Variants in ANTXR1 observed in about 807,000 individuals in gnomAD.
The protein encoded by ANTXR1 is ANTXR cell adhesion molecule 1.
In ANTXR1, 19 loss-of-function variants were observed where a neutral mutation model predicts 78.1. The ratio of observed to expected loss-of-function variants is 0.24; its 90% CI spans 0.17 to 0.36. The LOEUF is 0.36. ANTXR1 is among the 10% of genes least tolerant of loss of function. The pLI is 1.00. For synonymous variants in ANTXR1, 273 were observed against 260.5 expected, an observed-to-expected ratio of 1.05 and a Z score of -0.46; for missense variants, 518 against 718.6, an observed-to-expected ratio of 0.72 and a Z score of 3.19.
intron 3 of ANTXR1, among the ~76,000 whole-genome samples, chr2:69,065,038 T>C (rs1372532608): frequency 1.3e-5 from 2 of 151,690 alleles, no homozygotes; most frequent in African/African-American, 4.8e-5. Flanking sequence ...AAATTGAAAA[T>C]AGACATATAA....
intron 1 of ANTXR1, among the ~76,000 whole-genome samples, chr2:69,014,815 G>A (rs918357012): frequency 2.6e-5 from 4 of 152,140 alleles, no homozygotes; most frequent in Admixed American, 6.5e-5. Flanking sequence ...AGTTGCCCCT[G>A]GAGTTTGATT....
At chr2:69,032,218 A>G (rs1282347248) in intron 1 of ANTXR1, among the ~76,000 whole-genome samples, 16 of 152,238 alleles carry the variant, frequency 1.1e-4, no homozygotes, top group Admixed American at 9.2e-4. Flanking sequence ...CATTAAGTGA[A>G]AAAAGCAGAG....
rs1184663076 is a variant in ANTXR1 at position 69,070,853 on chromosome 2, A to G, written c.378+125A>G. 3 of 838,300 alleles carry G rather than the reference A, an allele frequency of 3.6e-6. No individual in the cohort carries two copies. In the East Asian group the frequency reaches 8.0e-5, roughly 22 times the overall value. The allele number at this position is 838,300 out of a possible 1,614,324, so 51.9% of individuals were successfully genotyped here. ...CTAGCACCCAATAGCAAGAGAGTAC[A>G]TTTTCTTCCCATAAGCTTGTACACT... On this transcript the variant is annotated intron_variant, in intron 4 of 17. Transcript: ENST00000303714.
At chr2:69,071,611 A>T in intron 4 of ANTXR1, 143 bp from the exon 5 acceptor site, 1 of 800,540 alleles carries the variant, frequency 1.2e-6, no homozygotes, top group Non-Finnish European at 2.2e-6. Flanking sequence ...AGCCACTGAT[A>T]ATTGAGCAAA....
At chr2:69,099,582 T>C (rs1671544848) in intron 9 of ANTXR1, among the ~76,000 whole-genome samples, 1 of 152,228 alleles carries the variant, frequency 6.6e-6, no homozygotes, top group East Asian at 1.9e-4. Flanking sequence ...TGGGTTATAA[T>C]TTCTTCACCA....
chr2:69,055,580 C>T (rs1670044018), intron 3 of ANTXR1, among the ~76,000 whole-genome samples: 1 of 152,068 alleles, frequency 6.6e-6, no homozygotes, highest in Non-Finnish European at 1.5e-5. Flanking sequence ...AAATTGTACC[C>T]CCTGAGGCCT....
chr2:69,144,560 C>T (rs558665538), intron 12 of ANTXR1, among the ~76,000 whole-genome samples: 3 of 152,306 alleles, frequency 2.0e-5, no homozygotes, highest in East Asian at 1.9e-4. Flanking sequence ...CCAGGTGCCC[C>T]GTGGAGGGGA....
chr2:69,229,111 C>T (rs1675530036), intron 17 of ANTXR1, among the ~76,000 whole-genome samples: 3 of 152,094 alleles, frequency 2.0e-5, no homozygotes, highest in Non-Finnish European at 4.4e-5. Flanking sequence ...CTCATCCAAC[C>T]CTAAGTTCCT....
At chr2:69,155,791 G>T (rs1270764982) in intron 13 of ANTXR1, among the ~76,000 whole-genome samples, 1 of 152,168 alleles carries the variant, frequency 6.6e-6, no homozygotes, top group Non-Finnish European at 1.5e-5. Flanking sequence ...AGCCCAGGTA[G>T]GGGGTGGCTT....
chr2:69,222,393 TTTAAGTGGACAGTA>T (rs1675341220), intron 17 of ANTXR1, among the ~76,000 whole-genome samples: 1 of 152,184 alleles, frequency 6.6e-6, no homozygotes, highest in Non-Finnish European at 1.5e-5. Context: ...CTTCAGTGAT[TTTAAGTGGACAGTA>T]ATGTCTTCCC....
chr2:69,137,719 TC>T (rs1445625255), intron 12 of ANTXR1, among the ~76,000 whole-genome samples: 1 of 142,948 alleles, frequency 7.0e-6, no homozygotes, highest in Non-Finnish European at 1.5e-5. Context: ...AATCCAGGAA[TC>T]CAAGTCTGCA....
chr2:69,130,445 A>T (rs1672705516), intron 12 of ANTXR1, among the ~76,000 whole-genome samples: 1 of 152,208 alleles, frequency 6.6e-6, no homozygotes. Flanking sequence ...ACAAACTGAG[A>T]CCTGAAACAT....
At chr2:69,158,630 A>G (rs1419807641) in intron 13 of ANTXR1, among the ~76,000 whole-genome samples, 3 of 152,188 alleles carry the variant, frequency 2.0e-5, no homozygotes, top group Admixed American at 6.5e-5. Flanking sequence ...TACCCATACA[A>G]CCATTCTGTT....
chr2:69,099,957 A>G (rs1671556082), intron 9 of ANTXR1, among the ~76,000 whole-genome samples: 1 of 152,262 alleles, frequency 6.6e-6, no homozygotes, highest in Non-Finnish European at 1.5e-5. Flanking sequence ...TAACAGTGAC[A>G]AAAGAATATA....
chr2:69,027,031 A>G (rs1407335421), intron 1 of ANTXR1, among the ~76,000 whole-genome samples: 1 of 152,210 alleles, frequency 6.6e-6, no homozygotes, highest in Non-Finnish European at 1.5e-5. Flanking sequence ...ATTGTAAAAA[A>G]ATATGGAGAG....
At chr2:69,231,997 C>G (rs987799554) in intron 17 of ANTXR1, among the ~76,000 whole-genome samples, 1 of 152,110 alleles carries the variant, frequency 6.6e-6, no homozygotes, top group African/African-American at 2.4e-5. Flanking sequence ...CCACCACAAA[C>G]AGGAAGCAAG....
At chr2:69,030,907 G>GA (rs567173253) in intron 1 of ANTXR1, among the ~76,000 whole-genome samples, 2,947 of 152,114 alleles carry the variant, frequency 0.019, 28 homozygotes, top group Middle Eastern at 0.041. Context: ...CAGAAATTTA[G>GA]AAAAAAACGA....
intron 1 of ANTXR1, among the ~76,000 whole-genome samples, chr2:69,016,039 C>G (rs1671015571): frequency 6.6e-6 from 1 of 151,908 alleles, no homozygotes; most frequent in Non-Finnish European, 1.5e-5. Context: ...CAGTATTGGC[C>G]AATTTGTGGG....
chr2:69,194,470 A>G lies in ANTXR1; in HGVS notation c.1434+1055A>G, dbSNP rs1674616149. 2.6e-5 allele frequency among the ~76,000 whole-genome samples: 4 copies of G among 152,190 alleles called. No individual in the cohort carries two copies. In the South Asian group the frequency reaches 6.2e-4, roughly 24 times the overall value. The stretch of plus-strand genomic sequence containing the variant: ...CCTGACCTCTCTGAACTTCATCCTT[A>G]TAAAGTAGATGGCACGGACTTCTTC... On this transcript the variant is annotated intron_variant, in intron 17 of 17. Transcript: ENST00000303714.
Sources: gnomAD v4.1 joint callset for allele counts (sites outside exome capture counted in the v4.1 genomes callset) on GRCh38, gnomAD v4.1.1 for gene constraint, MANE v1.5 for transcripts, NCBI Gene and HGNC (gene_info 2026-07-23, HGNC 2026-07-21) for gene names.